ERCC6: variants seen among roughly 807,000 people sequenced by gnomAD.
ERCC6 encodes the protein ERCC excision repair 6, chromatin remodeling factor.
ERCC6 carries 116 observed loss-of-function variants against 158.7 expected under a neutral mutation model. That is an observed-to-expected ratio of 0.73 (90% confidence interval 0.63 to 0.85). ERCC6 has a LOEUF of 0.85. ERCC6 is among the 40% of genes least tolerant of loss of function. The pLI, the probability that ERCC6 is intolerant of heterozygous loss-of-function variation, is 0.00. For synonymous variants in ERCC6, 678 were observed against 659.3 expected, an observed-to-expected ratio of 1.03 and a Z score of -0.43; for missense variants, 1,698 against 1,799.4, an observed-to-expected ratio of 0.94 and a Z score of 1.02.
At chr10:49,518,811 A>C (rs947644338) in intron 5 of ERCC6, among the ~76,000 whole-genome samples, 2 of 152,224 alleles carry the variant, frequency 1.3e-5, no homozygotes, top group Non-Finnish European at 2.9e-5. Flanking sequence ...TTATCTTCGC[A>C]GGAGATTATG....
At chr10:49,510,341 C>T (rs1405364220) in intron 5 of ERCC6, among the ~76,000 whole-genome samples, 7 of 152,176 alleles carry the variant, frequency 4.6e-5, no homozygotes, top group South Asian at 2.1e-4. Context: ...TAGCTACCAC[C>T]GTGCCATACC....
downstream of ERCC6, among the ~76,000 whole-genome samples, chr10:49,450,816 ATTT>A (rs57063540): frequency 6.8e-6 from 1 of 146,588 alleles, no homozygotes; most frequent in Non-Finnish European, 1.5e-5. Context: ...TAGAAATACG[ATTT>A]TTTTTTTTTT....
chr10:49,470,644 T>C lies in ERCC6; in HGVS notation c.3316A>G (p.Arg1106Gly). ...ACTGCATTTGTCTCTTCTCCAAGCC[T>C]ATCATTGCTAGTTACATTACTACTC... ...HMSSNVTSND[R>G]LGEETNAVSG... The change falls in exon 18 of 21, where the codon AGG (arginine) becomes GGG (glycine). Residue 1106 changes from arginine to glycine, a missense_variant. Coordinates refer to ENST00000355832, the MANE Select transcript of ERCC6 (RefSeq NM_000124.4). 1 of 1,613,706 alleles carries C rather than the reference T, an allele frequency of 6.2e-7. No individual in the cohort carries two copies. Among genetic ancestry groups the C allele is most frequent in the Non-Finnish European group, 8.5e-7 (1 of 1,179,728 alleles).
intron 3 of ERCC6, among the ~76,000 whole-genome samples, chr10:49,529,302 T>C (rs1837415120): frequency 6.6e-6 from 1 of 152,212 alleles, no homozygotes; most frequent in South Asian, 2.1e-4. Flanking sequence ...TTTCTCAGTT[T>C]TTCTCTCAGC....
chr10:49,445,112 A>G, the ERCC6 span, among the ~76,000 whole-genome samples: 1 of 152,236 alleles, frequency 6.6e-6, no homozygotes, highest in African/African-American at 2.4e-5. Context: ...TCATTTCAGT[A>G]AATGTAGAAA....
At chr10:49,462,407 G>A (rs560324402) in intron 18 of ERCC6, among the ~76,000 whole-genome samples, 1 of 152,066 alleles carries the variant, frequency 6.6e-6, no homozygotes, top group Admixed American at 6.5e-5. Flanking sequence ...CATACAAGTA[G>A]TACAAGAAAA....
rs1019233309 is a variant in ERCC6 at position 49,455,992 on chromosome 10, A to G, written c.*2823T>C. The G allele has an allele frequency of 2.0e-5, 3 of 152,220 alleles. No homozygotes were observed. Among genetic ancestry groups the G allele is most frequent in the African/African-American group, 7.2e-5 (3 of 41,448 alleles). The allele number at this position is 152,220 out of a possible 1,614,324, so 9.4% of individuals were successfully genotyped here. ...TAAAATCTACATCATTAATCCAACAATTCTGTGCAGGCAGAGCTATACTTA... is the reference window on the plus strand; with the variant it reads ...TAAAATCTACATCATTAATCCAACAGTTCTGTGCAGGCAGAGCTATACTTA... On this transcript the variant is annotated 3_prime_UTR_variant, in exon 21 of 21. Coordinates refer to ENST00000355832, the MANE Select transcript of ERCC6 (RefSeq NM_000124.4).
intron 3 of ERCC6, among the ~76,000 whole-genome samples, chr10:49,529,413 A>G (rs1192287596): frequency 2.0e-5 from 3 of 152,140 alleles, no homozygotes; most frequent in Non-Finnish European, 4.4e-5. Context: ...TAGGACCTGA[A>G]GTGGTCTCAA....
At chr10:49,442,741 T>C in the ERCC6 span, among the ~76,000 whole-genome samples, 1 of 152,230 alleles carries the variant, frequency 6.6e-6, no homozygotes, top group African/African-American at 2.4e-5. Flanking sequence ...GAATTTCTTT[T>C]GTTCAGATGA....
rs1437045564 is a variant in ERCC6, at chr10:49,530,714, A to C, written c.543+6T>G. 6.2e-7 allele frequency: 1 copy of C among 1,612,710 alleles called. No individual in the cohort carries two copies. Among genetic ancestry groups the C allele is most frequent in the African/African-American group, 1.3e-5 (1 of 74,908 alleles). ...AAATGCAATACTGAATGTTATTCTGAATCACCTTATTATACTTCTGTCGTT... is the reference window on the plus strand; with the variant it reads ...AAATGCAATACTGAATGTTATTCTGCATCACCTTATTATACTTCTGTCGTT... On this transcript the variant is annotated splice_donor_region_variant and intron_variant, in intron 3 of 20. Coordinates refer to ENST00000355832, the MANE Select transcript of ERCC6 (RefSeq NM_000124.4).
intron 5 of ERCC6, among the ~76,000 whole-genome samples, chr10:49,519,709 A>G (rs1022311613): frequency 6.6e-6 from 1 of 152,196 alleles, no homozygotes; most frequent in African/African-American, 2.4e-5. Context: ...AGAAAAAAGC[A>G]TTACATTCTC....
chr10:49,525,585 T>C (rs1219833548), intron 4 of ERCC6, among the ~76,000 whole-genome samples: 1 of 152,180 alleles, frequency 6.6e-6, no homozygotes, highest in Non-Finnish European at 1.5e-5. Flanking sequence ...CCAAAAGACC[T>C]AAGGCTTAAT....
At chr10:49,539,263 A>T (rs914005246), upstream of ERCC6, among the ~76,000 whole-genome samples, 10 of 152,264 alleles carry the variant, frequency 6.6e-5, no homozygotes, top group African/African-American at 2.4e-4. Flanking sequence ...GTGGCTTGCG[A>T]AGGACGCTTC....
chr10:49,495,301 G>C (rs543145995), intron 7 of ERCC6, among the ~76,000 whole-genome samples: 1 of 152,238 alleles, frequency 6.6e-6, no homozygotes, highest in East Asian at 1.9e-4. Flanking sequence ...AACTGGGATT[G>C]ACTGAGGGCA....
intron 5 of ERCC6, among the ~76,000 whole-genome samples, chr10:49,521,155 A>G (rs376761987): frequency 7.2e-5 from 11 of 152,378 alleles, no homozygotes; most frequent in African/African-American, 2.4e-4. Flanking sequence ...CATTGTTGAC[A>G]TGAAAGCAAA....
At chr10:49,510,340 C>T (rs990767586) in intron 5 of ERCC6, among the ~76,000 whole-genome samples, 2 of 152,290 alleles carry the variant, frequency 1.3e-5, no homozygotes, top group African/African-American at 4.8e-5. Context: ...CTAGCTACCA[C>T]CGTGCCATAC....
intron 3 of ERCC6, among the ~76,000 whole-genome samples, chr10:49,529,679 G>A (rs149312554): frequency 6.2e-4 from 95 of 152,188 alleles, no homozygotes; most frequent in Non-Finnish European, 1.2e-3. Context: ...CTGAACCAAC[G>A]CACAGCCCTG....
intron 14 of ERCC6, 24 bp downstream of exon 14, chr10:49,473,453 T>G (rs1021499208): frequency 7.0e-7 from 1 of 1,438,298 alleles, no homozygotes; most frequent in Non-Finnish European, 9.8e-7. Flanking sequence ...ACCACTCAAC[T>G]TCCCTGTTAC....
At chr10:49,476,153 T>C in intron 12 of ERCC6, 62 bp downstream of exon 12, 1 of 1,197,608 alleles carries the variant, frequency 8.3e-7, no homozygotes, top group East Asian at 2.3e-5. Flanking sequence ...TCCTAGTTTC[T>C]TTTCCTCCCT....
Sources: allele counts gnomAD v4.1 joint callset (sites outside exome capture counted in the v4.1 genomes callset), GRCh38; gene constraint gnomAD v4.1.1; transcripts MANE v1.5; gene names NCBI Gene and HGNC (gene_info 2026-07-23, HGNC 2026-07-21).